The following LGALS9B variants were observed in gnomAD, a reference collection of about 807,000 sequenced individuals.
The protein encoded by LGALS9B is galectin-9B.
In LGALS9B, 8 loss-of-function variants were observed where a neutral mutation model predicts 35.9. The ratio of observed to expected loss-of-function variants is 0.22; its 90% CI spans 0.13 to 0.40. The LOEUF (loss-of-function observed/expected upper bound fraction) is 0.40. Among genes scored for constraint, LGALS9B ranks in the 10% least tolerant of loss-of-function variants. The pLI, the probability that LGALS9B is intolerant of heterozygous loss-of-function variation, is 1.00. For synonymous variants in LGALS9B, 42 were observed against 148.6 expected (o/e 0.28, Z 5.22); for missense variants, 101 against 397.9 (o/e 0.25, Z 6.35).
rs1328164571 is a variant in LGALS9B at position 20,456,690 on chromosome 17, T to C, written c.334-19A>G. 3 of 441,110 alleles carry C rather than the reference T, an allele frequency of 6.8e-6. No individual in the cohort carries two copies. The highest frequency in any genetic ancestry group is 7.6e-5 in the Admixed American group (1 of 13,078). The allele number at this position is 441,110 out of a possible 1,614,324, so 27.3% of individuals were successfully genotyped here. A position where few individuals can be genotyped will look rare whatever the true frequency, so the allele number is the denominator to read the frequency against. On this transcript the variant is annotated intron_variant, in intron 3 of 10. Transcript: ENST00000423676. ...CCATCACCTGCCAGAGGAGAGCACG[T>C]ATTTCGGGGGAGGTGCCCCAGGCCG...
intron 1 of LGALS9B, among the ~76,000 whole-genome samples, chr17:20,464,227 T>TA (rs1312605996): frequency 6.7e-6 from 1 of 150,030 alleles, no homozygotes; most frequent in African/African-American, 2.5e-5. Context: ...GCCTCCCAGG[T>TA]AGCTGGGACT....
Position 20,451,886 on chromosome 17 carries a change from G to A in LGALS9B, c.673-3C>T. On this transcript the variant is annotated splice_polypyrimidine_tract_variant and splice_region_variant and intron_variant, in intron 8 of 10. Transcript: ENST00000423676. ...ATGGTGGTGATGAAAGGCATCGGCT[G>A]TCAGAAGGACGGGGACAGGTCAGCC... 1 of 1,398,300 alleles carries A rather than the reference G, an allele frequency of 7.2e-7. No homozygotes were observed. The highest frequency in any genetic ancestry group is 1.0e-6 in the Non-Finnish European group (1 of 1,005,016). 86.6% of individuals were successfully genotyped at this position (1,398,300 alleles called of 1,614,324 possible). A position where few individuals can be genotyped will look rare whatever the true frequency, so the allele number is the denominator to read the frequency against.
rs546514719 is a variant in LGALS9B at position 20,451,662 on chromosome 17, C to A, written c.762-19G>T. The A allele has an allele frequency of 8.3e-6, 13 of 1,569,666 alleles. No individual in the cohort carries two copies. Among genetic ancestry groups the A allele is most frequent in the Non-Finnish European group, 1.1e-5 (13 of 1,153,206 alleles). ...GTGGAACCTGCGGTGGGCAGCCTAC[C>A]TGGACCTTTGTCCACTGAGTTCTGA... On this transcript the variant is annotated intron_variant, in intron 9 of 10. Transcript: ENST00000423676.
intron 9 of LGALS9B, 43 bp from the exon 10 acceptor site, chr17:20,451,686 G>A (rs373609607): frequency 1.3e-6 from 2 of 1,568,750 alleles, no homozygotes; most frequent in African/African-American, 2.8e-5. Flanking sequence ...ACTGAGTTCT[G>A]AGCCCCATTT....
chr17:20,467,261 A>AGCAT (rs886675314), intron 1 of LGALS9B, among the ~76,000 whole-genome samples, 171 bp downstream of exon 1: 1 of 147,294 alleles, frequency 6.8e-6, no homozygotes, highest in Non-Finnish European at 1.5e-5. Flanking sequence ...GAGTGAGCTC[A>AGCAT]GCATGGCACA....
chr17:20,466,417 G>A (rs1201784169), intron 1 of LGALS9B, among the ~76,000 whole-genome samples: 33 of 151,254 alleles, frequency 2.2e-4, no homozygotes, highest in African/African-American at 7.6e-4. Flanking sequence ...GCCCCTGGCA[G>A]CTTCCCTGCC....
rs541215516 is a variant in LGALS9B, at chr17:20,458,201, C to T, written c.315G>A (p.Val105=). The T allele has an allele frequency of 1.2e-6, 2 of 1,612,322 alleles. No individual in the cohort carries two copies. Among genetic ancestry groups the T allele is most frequent in the East Asian group, 2.2e-5 (1 of 44,828 alleles). ...KGMPFDLCFL[V]QSSDFKVMVN... is the part of the protein sequence containing the mutation. Reference sequence around the variant, plus strand: ...TGCTTACCTTGAAATCTGAGCTCTGCACCAGGAAGCAGAGGTCAAAGGGCA... The same window carrying T: ...TGCTTACCTTGAAATCTGAGCTCTGTACCAGGAAGCAGAGGTCAAAGGGCA... Residue 105 remains valine (V), a synonymous_variant, in exon 3 of 11, where the codon GTG becomes GTA. Coordinates refer to ENST00000423676, the MANE Select transcript of LGALS9B (RefSeq NM_001367292.2).
chr17:20,464,199 C>T (rs1192610667), intron 1 of LGALS9B, among the ~76,000 whole-genome samples: 2 of 148,896 alleles, frequency 1.3e-5, no homozygotes, highest in South Asian at 2.2e-4. Context: ...CCCAGGCTCA[C>T]GCGATCCTCC....
At chr17:20,455,625 G>C (rs912201797) in intron 4 of LGALS9B, among the ~76,000 whole-genome samples, 1 of 139,430 alleles carries the variant, frequency 7.2e-6, no homozygotes, top group Non-Finnish European at 1.6e-5. Context: ...GCAGGGGAGA[G>C]AGTCAGGGAA....
In LGALS9B at chr17:20,459,503, G is replaced by C. The variant is rs1302202655; in HGVS notation, c.131+849C>G. Among the ~76,000 whole-genome samples, 8 of 34,900 alleles carry C rather than the reference G, an allele frequency of 2.3e-4. 4 individuals carry two copies. Among genetic ancestry groups the C allele is most frequent in the Admixed American group, 5.1e-4 (2 of 3,946 alleles). 22.9% of individuals were successfully genotyped at this position (34,900 alleles called of 152,430 possible). A position where few individuals can be genotyped will look rare whatever the true frequency, so the allele number is the denominator to read the frequency against. On this transcript the variant is annotated intron_variant, in intron 2 of 10. Transcript: ENST00000423676. ...GGCTCTCAGAGAAGTCCGACAGCAG[G>C]ATAGCAATGGCGGAGGAGGTCATCA... is the stretch of plus-strand genomic sequence containing the variant.
chr17:20,460,313 C>G lies in LGALS9B; in HGVS notation c.131+39G>C, dbSNP rs370901084. ...CAGGCACAGTGGCTTTACTAAGGGA[C>G]GAGGCTGGAGTGAAACGTTTCCATC... On this transcript the variant is annotated intron_variant, in intron 2 of 10. Transcript: ENST00000423676. The G allele has an allele frequency of 3.5e-4, 556 of 1,610,028 alleles. 2 individuals carry two copies. In the Middle Eastern group the frequency reaches 5.3e-3, roughly 15 times the overall value.
At chr17:20,463,169 ATTTATTTTAT>A (rs1005661731) in intron 1 of LGALS9B, among the ~76,000 whole-genome samples, 1 of 143,350 alleles carries the variant, frequency 7.0e-6, no homozygotes, top group South Asian at 2.3e-4. Context: ...TTATTTTATT[ATTTATTTTAT>A]TTTATTTTAT....
intron 4 of LGALS9B, among the ~76,000 whole-genome samples, chr17:20,455,773 G>A (rs1471533254): frequency 1.3e-5 from 2 of 150,960 alleles, no homozygotes; most frequent in African/African-American, 4.8e-5. Flanking sequence ...CCGGTGCCCT[G>A]TGGGAATGTG....
At chr17:20,465,069 G>C (rs1597498622) in intron 1 of LGALS9B, among the ~76,000 whole-genome samples, 1 of 152,128 alleles carries the variant, frequency 6.6e-6, no homozygotes, top group African/African-American at 2.4e-5. Flanking sequence ...TCCTGGTTGT[G>C]CCCAGAGACC....
intron 1 of LGALS9B, among the ~76,000 whole-genome samples, chr17:20,464,108 T>A (rs2042744833): frequency 8.0e-6 from 1 of 125,388 alleles, no homozygotes; most frequent in Non-Finnish European, 1.7e-5. Flanking sequence ...TTTTTTTTTT[T>A]TTTTTTTGAG....
chr17:20,455,168 CAG>C, intron 5 of LGALS9B, 133 bp downstream of exon 5: 1 of 560,528 alleles, frequency 1.8e-6, no homozygotes, highest in South Asian at 2.1e-5. Context: ...GCCCAGCAGA[CAG>C]AGACAGGGAA....
intron 1 of LGALS9B, among the ~76,000 whole-genome samples, chr17:20,461,240 G>C (rs1358924081): frequency 6.6e-6 from 1 of 151,188 alleles, no homozygotes; most frequent in Non-Finnish European, 1.5e-5. Flanking sequence ...CTCCTGACCT[G>C]AGTGGCCTTG....
rs1276673084 is a variant in LGALS9B at position 20,460,334 on chromosome 17, C to G, written c.131+18G>C. 2.5e-6 allele frequency: 4 copies of G among 1,606,554 alleles called. No individual in the cohort carries two copies. Among genetic ancestry groups the G allele is most frequent in the Non-Finnish European group, 3.4e-6 (4 of 1,174,640 alleles). ...GGGACGAGGCTGGAGTGAAACGTTT[C>G]CATCCATATACACACACCTGGTTCC... On this transcript the variant is annotated intron_variant, in intron 2 of 10. Transcript: ENST00000423676.
At chr17:20,461,240 G>A (rs1358924081) in intron 1 of LGALS9B, among the ~76,000 whole-genome samples, 1 of 151,188 alleles carries the variant, frequency 6.6e-6, no homozygotes, top group African/African-American at 2.4e-5. Context: ...CTCCTGACCT[G>A]AGTGGCCTTG....
Sources: gnomAD v4.1 joint callset for allele counts (sites outside exome capture counted in the v4.1 genomes callset) on GRCh38, gnomAD v4.1.1 for gene constraint, MANE v1.5 for transcripts, NCBI Gene and HGNC (gene_info 2026-07-23, HGNC 2026-07-21) for gene names.